Variants in PAPOLA observed in about 807,000 individuals in gnomAD.
The protein encoded by PAPOLA is poly(A) polymerase alpha, also known as polynucleotide adenylyltransferase alpha.
In PAPOLA, 15 loss-of-function variants were observed where a neutral mutation model predicts 100.6. That is an observed-to-expected ratio of 0.15 (90% CI 0.10 to 0.23). PAPOLA has a LOEUF of 0.23. PAPOLA is among the 10% of genes least tolerant of loss of function. PAPOLA has a pLI of 1.00. For synonymous variants in PAPOLA, 293 were observed against 300.0 expected (o/e 0.98, Z 0.24); for missense variants, 533 against 884.2 (o/e 0.60, Z 5.04).
chr14:96,542,642 T>G (rs1900086474), intron 13 of PAPOLA, 132 bp from the exon 14 acceptor site: 1 of 803,002 alleles, frequency 1.2e-6, no homozygotes, highest in Admixed American at 3.2e-5. Context: ...TTGGCAATTT[T>G]GGGTAGAACA....
intron 13 of PAPOLA, 154 bp from the exon 14 acceptor site, chr14:96,542,620 T>C (rs1900083778): frequency 3.0e-6 from 2 of 670,556 alleles, no homozygotes; most frequent in East Asian, 6.0e-5. Flanking sequence ...TTGGCTCTTT[T>C]TTCCCCGTTG....
chr14:96,504,942 A>T (rs1896609345), intron 1 of PAPOLA, among the ~76,000 whole-genome samples: 1 of 152,102 alleles, frequency 6.6e-6, no homozygotes, highest in Non-Finnish European at 1.5e-5. Context: ...TGGGGCATGG[A>T]CCCTAGGTGA....
chr14:96,528,635 G>A (rs1182028123), intron 6 of PAPOLA, among the ~76,000 whole-genome samples: 1 of 152,188 alleles, frequency 6.6e-6, no homozygotes, highest in African/African-American at 2.4e-5. Context: ...GCACAGTGAT[G>A]TGCACCTATC....
chr14:96,536,942 AGT>A (rs746461243), intron 11 of PAPOLA, 32 bp from the exon 12 acceptor site: 7 of 1,153,466 alleles, frequency 6.1e-6, no homozygotes, highest in South Asian at 1.2e-5. Context: ...TGTAGACTGA[AGT>A]ATGCAAACAT....
chr14:96,534,082 C>G (rs1206144669), intron 9 of PAPOLA: 10 of 994,788 alleles, frequency 1.0e-5, no homozygotes, highest in Non-Finnish European at 1.2e-5. Flanking sequence ...TACCCCTTTG[C>G]CTGTGATCAG....
At chr14:96,541,493 G>A (rs1899987514) in intron 12 of PAPOLA, among the ~76,000 whole-genome samples, 1 of 152,024 alleles carries the variant, frequency 6.6e-6, no homozygotes, top group African/African-American at 2.4e-5. Flanking sequence ...AACTTTTTTA[G>A]TCGTAGGAAA....
chr14:96,563,825 G>A (rs760119752), intron 21 of PAPOLA, among the ~76,000 whole-genome samples: 5 of 150,048 alleles, frequency 3.3e-5, no homozygotes, highest in Admixed American at 6.7e-5. Context: ...ATATTGATAC[G>A]TGGACAAACT....
chr14:96,512,307 A>G (rs1171798064), intron 1 of PAPOLA, among the ~76,000 whole-genome samples: 2 of 152,140 alleles, frequency 1.3e-5, no homozygotes, highest in Non-Finnish European at 2.9e-5. Context: ...AATCTGAGCT[A>G]TAAGGGAGGA....
chr14:96,533,337 A>G (rs1899209445), intron 9 of PAPOLA: 3 of 982,658 alleles, frequency 3.1e-6, no homozygotes, highest in South Asian at 9.4e-5. Context: ...GTTCTTATGA[A>G]CTCCTGCTCC....
At chr14:96,557,988 G>T (rs1346762062) in intron 19 of PAPOLA, among the ~76,000 whole-genome samples, 1 of 151,876 alleles carries the variant, frequency 6.6e-6, no homozygotes, top group Non-Finnish European at 1.5e-5. Flanking sequence ...TTGATCCATG[G>T]TTGGTTGAAT....
intron 15 of PAPOLA, among the ~76,000 whole-genome samples, chr14:96,547,380 C>T (rs1900476312): frequency 6.6e-6 from 1 of 151,958 alleles, no homozygotes. Flanking sequence ...TGTAAAGATA[C>T]CTTTAGGTAT....
Position 96,565,177 on chromosome 14 carries a change from C to G in PAPOLA, c.*127C>G. On this transcript the variant is annotated 3_prime_UTR_variant, in exon 22 of 22. Transcript: ENST00000216277. ...ATGGATTTGGGTTTTTTGGTGACCT[C>G]CCTTACTGGGCTAATCAGCACTTGA... 4.7e-6 allele frequency: 3 copies of G among 634,716 alleles called. No homozygotes were observed. The highest frequency in any genetic ancestry group is 3.7e-5 in the South Asian group (2 of 53,996). 39.3% of individuals were successfully genotyped at this position (634,716 alleles called of 1,614,324 possible).
chr14:96,544,292 G>T, intron 15 of PAPOLA, 34 bp downstream of exon 15: 1 of 979,614 alleles, frequency 1.0e-6, no homozygotes, highest in Non-Finnish European at 1.6e-6. Context: ...AAACACTTCA[G>T]TTCTTGCATA....
intron 4 of PAPOLA, 93 bp from the exon 5 acceptor site, chr14:96,527,337 A>C: frequency 1.3e-6 from 1 of 756,624 alleles, no homozygotes; most frequent in Non-Finnish European, 2.3e-6. Flanking sequence ...CAGTATGTTA[A>C]ACAGATTCTC....
intron 12 of PAPOLA, among the ~76,000 whole-genome samples, chr14:96,540,049 A>G (rs1595538045): frequency 6.6e-6 from 1 of 152,142 alleles, no homozygotes; most frequent in Admixed American, 6.5e-5. Flanking sequence ...TGTGTGTAAG[A>G]TATATACAGA....
At chr14:96,539,187 C>A (rs1899776103) in intron 12 of PAPOLA, among the ~76,000 whole-genome samples, 1 of 151,958 alleles carries the variant, frequency 6.6e-6, no homozygotes. Flanking sequence ...TTAGATTTCA[C>A]TAGGAATAAA....
intron 14 of PAPOLA, 100 bp from the exon 15 acceptor site, chr14:96,544,049 A>G (rs1467717234): frequency 1.1e-5 from 8 of 705,190 alleles, no homozygotes; most frequent in Middle Eastern, 2.5e-4. Flanking sequence ...TTGCTCATAC[A>G]TTTGTATTGT....
intron 6 of PAPOLA, 139 bp downstream of exon 6, chr14:96,528,145 G>C (rs1335856424): frequency 6.7e-6 from 4 of 596,306 alleles, no homozygotes; most frequent in East Asian, 5.2e-5. Context: ...TTAAATGGAA[G>C]TGACTGCCTA....
At chr14:96,530,774 C>T (rs1898935405) in intron 6 of PAPOLA, among the ~76,000 whole-genome samples, 1 of 152,088 alleles carries the variant, frequency 6.6e-6, no homozygotes. Context: ...TTGTCGTGTT[C>T]ATAGATAATG....
Sources: gnomAD v4.1 joint callset for allele counts (sites outside exome capture counted in the v4.1 genomes callset) on GRCh38, gnomAD v4.1.1 for gene constraint, MANE v1.5 for transcripts, NCBI Gene and HGNC (gene_info 2026-07-23, HGNC 2026-07-21) for gene names.